Variants in MALRD1 observed in about 807,000 individuals in gnomAD.
MALRD1 encodes the protein MAM and LDL receptor class A domain containing 1.
In MALRD1, 247 loss-of-function variants were observed where a neutral mutation model predicts 242.1. That is an observed-to-expected ratio of 1.02 (90% CI 0.92 to 1.13). The LOEUF is 1.13. Ranked by LOEUF, MALRD1 falls within the 50% of genes most tolerant of loss-of-function variation. MALRD1 has a pLI of 0.00. For missense variants in MALRD1, 2,989 were observed against 2,533.1 expected, an observed-to-expected ratio of 1.18 and a Z score of -3.86; for synonymous variants, 995 against 866.6, an observed-to-expected ratio of 1.15 and a Z score of -2.60.
intron 28 of MALRD1, among the ~76,000 whole-genome samples, chr10:19,409,666 C>G (rs1833190771): frequency 6.6e-6 from 1 of 151,972 alleles, no homozygotes; most frequent in South Asian, 2.1e-4. Context: ...AAAGACATTA[C>G]CATTGGGGGA....
intron 36 of MALRD1, among the ~76,000 whole-genome samples, chr10:19,629,779 A>G (rs967009126): frequency 6.6e-6 from 1 of 152,054 alleles, no homozygotes; most frequent in African/African-American, 2.4e-5. Flanking sequence ...AATTTCCCCA[A>G]TCAGGCCTCC....
At chr10:19,153,577 C>G (rs1468063539) in intron 11 of MALRD1, among the ~76,000 whole-genome samples, 1 of 151,674 alleles carries the variant, frequency 6.6e-6, no homozygotes, top group Admixed American at 6.6e-5. Flanking sequence ...TCCTGTACTC[C>G]CAGTGGGAGG....
intron 21 of MALRD1, among the ~76,000 whole-genome samples, chr10:19,299,160 T>C (rs1841835533): frequency 6.6e-6 from 1 of 151,960 alleles, no homozygotes; most frequent in Non-Finnish European, 1.5e-5. Flanking sequence ...ATATAGGCTA[T>C]ATGAAATAAT....
intron 13 of MALRD1, among the ~76,000 whole-genome samples, chr10:19,173,869 G>C (rs891582419): frequency 6.6e-6 from 1 of 152,140 alleles, no homozygotes; most frequent in Non-Finnish European, 1.5e-5. Flanking sequence ...GTAGGGTAGT[G>C]AATGTATCAT....
intron 36 of MALRD1, among the ~76,000 whole-genome samples, chr10:19,664,895 CA>C (rs2131742321): frequency 6.6e-6 from 1 of 152,084 alleles, no homozygotes; most frequent in African/African-American, 2.4e-5. Flanking sequence ...ATATTATCGT[CA>C]AATAATATTA....
chr10:19,450,487 A>G lies in MALRD1; in HGVS notation c.5026A>G (p.Thr1676Ala), dbSNP rs1254736627. ...TGATATTGAATTTAAAAACTGCACA[A>G]CTGGTAAGTTTCCAGAAAGCACTTC... is the stretch of plus-strand genomic sequence containing the variant. ...IDDIEFKNCT[T>A]VGEISELCPE... Residue 1676 changes from threonine (T) to alanine (A), a missense_variant, in exon 29 of 40, where the codon ACT (threonine) becomes GCT (alanine). Thr to Ala is a moderately conservative substitution (Grantham distance 58, BLOSUM62 0). Transcript: ENST00000454679. The G allele has an allele frequency of 2.6e-6, 4 of 1,542,020 alleles. No homozygotes were observed. The highest frequency in any genetic ancestry group is 1.4e-5 in the African/African-American group (1 of 72,714).
intron 28 of MALRD1, among the ~76,000 whole-genome samples, chr10:19,393,985 CT>C (rs1198249126): frequency 6.6e-6 from 1 of 152,158 alleles, no homozygotes. Context: ...ACTCTTCCAT[CT>C]GTAATAAACT....
At chr10:19,543,066 G>A (rs757567033) in intron 32 of MALRD1, among the ~76,000 whole-genome samples, 1 of 151,938 alleles carries the variant, frequency 6.6e-6, no homozygotes, top group South Asian at 2.1e-4. Flanking sequence ...ACTTTTATCT[G>A]AGCCCTGCAA....
chr10:19,669,684 A>T (rs1841824771), intron 36 of MALRD1, among the ~76,000 whole-genome samples: 1 of 152,218 alleles, frequency 6.6e-6, no homozygotes, highest in Admixed American at 6.5e-5. Flanking sequence ...AATTAACTCC[A>T]GAAAAAAATT....
intron 28 of MALRD1, among the ~76,000 whole-genome samples, chr10:19,393,206 A>ATTTTTTTT (rs1846411054): frequency 6.6e-6 from 1 of 152,016 alleles, no homozygotes; most frequent in Middle Eastern, 3.2e-3. Flanking sequence ...TTAAAATGGC[A>ATTTTTTTT]TCCTTATTTT....
chr10:19,651,510 G>A (rs186033413), intron 36 of MALRD1, among the ~76,000 whole-genome samples: 139 of 152,170 alleles, frequency 9.1e-4, no homozygotes, highest in African/African-American at 3.3e-3. Context: ...AGACTACTTC[G>A]AAACCACAAT....
At chr10:19,294,114 A>G (rs566984377) in intron 21 of MALRD1, among the ~76,000 whole-genome samples, 2 of 152,332 alleles carry the variant, frequency 1.3e-5, no homozygotes, top group South Asian at 4.1e-4. Flanking sequence ...GACTAATAAT[A>G]AAATAATAAC....
chr10:19,585,168 G>C (rs377706752), intron 33 of MALRD1, among the ~76,000 whole-genome samples: 1 of 152,040 alleles, frequency 6.6e-6, no homozygotes, highest in Admixed American at 6.6e-5. Flanking sequence ...ATGGGTCTTG[G>C]CTCTTTATCC....
intron 28 of MALRD1, among the ~76,000 whole-genome samples, chr10:19,433,616 A>T (rs1475404129): frequency 6.6e-6 from 1 of 152,152 alleles, no homozygotes; most frequent in Non-Finnish European, 1.5e-5. Context: ...CATTAACTAT[A>T]TTGAAGATCT....
chr10:19,228,219 A>T (rs965160175), intron 18 of MALRD1, among the ~76,000 whole-genome samples: 3 of 152,194 alleles, frequency 2.0e-5, no homozygotes, highest in African/African-American at 2.4e-5. Context: ...CTCAACAATA[A>T]AAAGGAGCAA....
intron 18 of MALRD1, among the ~76,000 whole-genome samples, chr10:19,231,697 C>T (rs900525855): frequency 2.0e-5 from 3 of 152,140 alleles, no homozygotes; most frequent in African/African-American, 7.2e-5. Context: ...GCCTCCCCAG[C>T]CATGTGGAAC....
chr10:19,134,101 T>C (rs1292829102), intron 9 of MALRD1, among the ~76,000 whole-genome samples, 153 bp downstream of exon 9: 3 of 152,302 alleles, frequency 2.0e-5, no homozygotes, highest in South Asian at 2.1e-4. Flanking sequence ...ACTTTTTAAA[T>C]TGTACCTTTT....
rs756666989 is a variant in MALRD1, at chr10:19,204,873, A to G, written c.2211-25A>G. The G allele has an allele frequency of 2.6e-6, 4 of 1,513,636 alleles. No individual in the cohort carries two copies. The African/African-American group carries it at 5.6e-5, about 21-fold the overall frequency. 93.8% of individuals were successfully genotyped at this position (1,513,636 alleles called of 1,614,324 possible). On this transcript the variant is annotated intron_variant, in intron 16 of 39. Coordinates refer to ENST00000454679, the MANE Select transcript of MALRD1 (RefSeq NM_001142308.3). Reference sequence around the variant, plus strand: ...GTAGTCTATTCTATAAATCACTTCCATTTCTTACGTTTACTCTTTTTTAGG... The same window carrying G: ...GTAGTCTATTCTATAAATCACTTCCGTTTCTTACGTTTACTCTTTTTTAGG...
At chr10:19,458,477 G>T (rs1191591952) in intron 29 of MALRD1, among the ~76,000 whole-genome samples, 1 of 152,096 alleles carries the variant, frequency 6.6e-6, no homozygotes, top group Non-Finnish European at 1.5e-5. Flanking sequence ...ATTGATTGAA[G>T]AATTTTGATT....
Sources: allele counts gnomAD v4.1 joint callset (sites outside exome capture counted in the v4.1 genomes callset), GRCh38; gene constraint gnomAD v4.1.1; transcripts MANE v1.5; gene names NCBI Gene and HGNC (gene_info 2026-07-23, HGNC 2026-07-21).